Variants in SYT1 observed in about 807,000 individuals in gnomAD.
SYT1 encodes the protein synaptotagmin 1, also known as synaptotagmin-1.
SYT1 carries 8 observed loss-of-function variants against 44.8 expected under a neutral mutation model. The observed-to-expected ratio is 0.18, with a 90% confidence interval of 0.10 to 0.32. SYT1 has a LOEUF of 0.32. SYT1 is among the 10% of genes least tolerant of loss of function. The pLI, the probability that SYT1 is intolerant of heterozygous loss-of-function variation, is 1.00. For synonymous variants in SYT1, 154 were observed against 188.8 expected (o/e 0.82, Z 1.51); for missense variants, 286 against 509.3 (o/e 0.56, Z 4.22).
intron 1 of SYT1, among the ~76,000 whole-genome samples, chr12:78,961,063 TTG>T (rs1293755240): frequency 6.6e-6 from 1 of 152,184 alleles, no homozygotes; most frequent in African/African-American, 2.4e-5. Flanking sequence ...GAGTATTTTT[TTG>T]TTGCTGTTTC....
chr12:79,068,701 G>T (rs1876048498), intron 3 of SYT1, among the ~76,000 whole-genome samples: 1 of 152,048 alleles, frequency 6.6e-6, no homozygotes. Context: ...CATTGGTACA[G>T]AAAAGAGAAA....
chr12:78,975,783 G>T (rs999740741), intron 1 of SYT1, among the ~76,000 whole-genome samples: 20 of 152,132 alleles, frequency 1.3e-4, no homozygotes, highest in Non-Finnish European at 2.2e-4. Context: ...TCCCTCTGAG[G>T]AATAAGATAC....
At chr12:78,894,760 A>T (rs909575311) in intron 1 of SYT1, among the ~76,000 whole-genome samples, 1 of 151,624 alleles carries the variant, frequency 6.6e-6, no homozygotes, top group Non-Finnish European at 1.5e-5. Flanking sequence ...GTTACCAGAG[A>T]CTGGGAGGTG....
chr12:79,265,885 T>A (rs1878098406), intron 4 of SYT1, among the ~76,000 whole-genome samples: 1 of 152,202 alleles, frequency 6.6e-6, no homozygotes, highest in East Asian at 1.9e-4. Context: ...TTCAAGAGGA[T>A]CTGCTATGCA....
chr12:78,895,644 C>T (rs535659883), intron 1 of SYT1, among the ~76,000 whole-genome samples: 9 of 151,666 alleles, frequency 5.9e-5, no homozygotes, highest in African/African-American at 9.6e-5. Flanking sequence ...TTGAAGCCAC[C>T]GGGCACAAAA....
intron 9 of SYT1, among the ~76,000 whole-genome samples, chr12:79,416,997 TTCCTA>T (rs765631576): frequency 6.6e-6 from 1 of 152,128 alleles, no homozygotes; most frequent in African/African-American, 2.4e-5. Context: ...TTCTTCAAGA[TTCCTA>T]TAATATCTAA....
chr12:79,300,823 A>ATATATATATATT (rs1880114299), intron 8 of SYT1, among the ~76,000 whole-genome samples: 1 of 129,274 alleles, frequency 7.7e-6, no homozygotes, highest in Non-Finnish European at 1.6e-5. Context: ...ATATATATAT[A>ATATATATATATT]TTTACTGTCT....
chr12:79,169,964 C>T (rs890641338), intron 3 of SYT1, among the ~76,000 whole-genome samples: 2 of 151,990 alleles, frequency 1.3e-5, no homozygotes, highest in African/African-American at 4.8e-5. Context: ...TTTTCTGTTC[C>T]TGTATTAGTT....
At chr12:79,069,466 T>C (rs924291958) in intron 3 of SYT1, among the ~76,000 whole-genome samples, 2 of 152,038 alleles carry the variant, frequency 1.3e-5, no homozygotes, top group African/African-American at 4.8e-5. Context: ...TATTTGTCTA[T>C]ACATGTTTCT....
At chr12:78,897,028 G>A (rs2137086887) in intron 1 of SYT1, among the ~76,000 whole-genome samples, 1 of 151,814 alleles carries the variant, frequency 6.6e-6, no homozygotes, top group South Asian at 2.1e-4. Context: ...ATCTATATAA[G>A]TGTATGACAA....
intron 2 of SYT1, among the ~76,000 whole-genome samples, chr12:79,020,396 G>A (rs1471777533): frequency 6.6e-6 from 1 of 151,612 alleles, no homozygotes; most frequent in African/African-American, 2.4e-5. Context: ...ACATTTCCCT[G>A]GCAGAATAAT....
At chr12:79,082,616 A>G (rs1877110173) in intron 3 of SYT1, among the ~76,000 whole-genome samples, 1 of 152,182 alleles carries the variant, frequency 6.6e-6, no homozygotes, top group African/African-American at 2.4e-5. Flanking sequence ...GCTATCAGAG[A>G]ATTATGGGAA....
At chr12:79,283,694 G>A (rs1446194870) in intron 4 of SYT1, among the ~76,000 whole-genome samples, 4 of 152,042 alleles carry the variant, frequency 2.6e-5, no homozygotes, top group African/African-American at 9.7e-5. Flanking sequence ...GAAGTATTAT[G>A]AATGATATCA....
intron 3 of SYT1, among the ~76,000 whole-genome samples, chr12:79,173,459 A>G (rs372891953): frequency 6.6e-6 from 1 of 152,096 alleles, no homozygotes; most frequent in Admixed American, 6.6e-5. Context: ...AAAGATGTAA[A>G]TGTTGCTCCT....
At chr12:78,935,761 A>C (rs2137229505) in intron 1 of SYT1, among the ~76,000 whole-genome samples, 1 of 152,296 alleles carries the variant, frequency 6.6e-6, no homozygotes, top group South Asian at 2.1e-4. Context: ...TATAAAAATT[A>C]AAACAAAAAA....
At chr12:78,953,716 A>G (rs915235863) in intron 1 of SYT1, among the ~76,000 whole-genome samples, 11 of 152,078 alleles carry the variant, frequency 7.2e-5, no homozygotes, top group African/African-American at 2.7e-4. Flanking sequence ...CCATTTTGAA[A>G]TTTTTCATAA....
intron 4 of SYT1, among the ~76,000 whole-genome samples, chr12:79,232,059 T>C (rs1386489255): frequency 6.6e-6 from 1 of 152,220 alleles, no homozygotes; most frequent in Admixed American, 6.5e-5. Context: ...GGGCAAATGA[T>C]ATAATTTCTC....
intron 3 of SYT1, among the ~76,000 whole-genome samples, chr12:79,131,394 G>T (rs1185202712): frequency 2.6e-5 from 4 of 151,232 alleles, no homozygotes; most frequent in African/African-American, 4.9e-5. Flanking sequence ...GGGTTTTTTT[G>T]TTTGTTTGTT....
intron 3 of SYT1, among the ~76,000 whole-genome samples, chr12:79,189,382 T>A (rs1193504818): frequency 6.6e-6 from 1 of 152,184 alleles, no homozygotes; most frequent in African/African-American, 2.4e-5. Context: ...TGACTTTCAA[T>A]AACTTTTAGC....
Sources: allele counts gnomAD v4.1 joint callset (sites outside exome capture counted in the v4.1 genomes callset), GRCh38; gene constraint gnomAD v4.1.1; transcripts MANE v1.5; gene names NCBI Gene and HGNC (gene_info 2026-07-23, HGNC 2026-07-21).